DNAH3: variants seen among roughly 807,000 people sequenced by gnomAD.
DNAH3 encodes the protein dynein axonemal heavy chain 3, also known as axonemal beta dynein heavy chain 3.
A neutral mutation model predicts 432.5 loss-of-function variants in DNAH3; 332 were observed. The observed-to-expected ratio is 0.77, with a 90% CI of 0.70 to 0.84. The LOEUF (loss-of-function observed/expected upper bound fraction) is 0.84. DNAH3 is among the 40% of genes least tolerant of loss of function. The probability of loss-of-function intolerance (pLI) is 0.00; values close to 1 mark genes in which losing one functional copy is unlikely to be tolerated. For missense variants in DNAH3, 4,861 were observed against 5,114.0 expected (o/e 0.95, Z 1.51); for synonymous variants, 1,956 against 1,900.2 (o/e 1.03, Z -0.76).
intron 41 of DNAH3, among the ~76,000 whole-genome samples, chr16:21,005,249 TCTTC>T (rs1241827848): frequency 6.9e-6 from 1 of 145,078 alleles, no homozygotes; most frequent in Non-Finnish European, 1.5e-5. Flanking sequence ...CTCCCTCCCT[TCTTC>T]CTTCCTTCCC....
At chr16:20,987,645 G>T in intron 46 of DNAH3, 48 bp downstream of exon 46, 4 of 1,603,598 alleles carry the variant, frequency 2.5e-6, no homozygotes, top group Non-Finnish European at 3.4e-6. Flanking sequence ...GTTCTATGTA[G>T]CCAAGGATAT....
At chr16:21,144,997 A>T (rs1472074652) in intron 3 of DNAH3, among the ~76,000 whole-genome samples, 184 bp downstream of exon 4, 1 of 152,166 alleles carries the variant, frequency 6.6e-6, no homozygotes, top group African/African-American at 2.4e-5. Flanking sequence ...CTGTAGTCCC[A>T]GCTACTCAGG....
chr16:20,961,757 G>GTTTT (rs753578799), intron 53 of DNAH3, among the ~76,000 whole-genome samples: 1 of 123,380 alleles, frequency 8.1e-6, no homozygotes, highest in Non-Finnish European at 1.7e-5. Flanking sequence ...TAAATTTCTG[G>GTTTT]TTTTTTTTTT....
At chr16:20,947,538 G>A (rs957850078) in intron 57 of DNAH3, among the ~76,000 whole-genome samples, 3 of 152,038 alleles carry the variant, frequency 2.0e-5, no homozygotes, top group African/African-American at 7.3e-5. Flanking sequence ...TGGGGACTGA[G>A]CCCTCAACCC....
At chr16:20,968,722 G>A (rs962736853) in intron 52 of DNAH3, among the ~76,000 whole-genome samples, 9 of 150,168 alleles carry the variant, frequency 6.0e-5, no homozygotes, top group African/African-American at 2.2e-4. Context: ...GCCTCTCTTT[G>A]CCCTTGTCTC....
At chr16:20,969,482 T>G (rs1487501600) in intron 52 of DNAH3, among the ~76,000 whole-genome samples, 1 of 152,230 alleles carries the variant, frequency 6.6e-6, no homozygotes, top group African/African-American at 2.4e-5. Flanking sequence ...ACTCTGTGTT[T>G]GTTCCACACC....
chr16:21,156,452 G>A (rs924226593), intron 1 of DNAH3, among the ~76,000 whole-genome samples: 6 of 152,018 alleles, frequency 3.9e-5, no homozygotes, highest in Non-Finnish European at 5.9e-5. Context: ...GGCTGGTCTC[G>A]AACTCCTAGA....
chr16:20,960,048 G>A (rs529473375), intron 53 of DNAH3, among the ~76,000 whole-genome samples: 127 of 152,092 alleles, frequency 8.4e-4, no homozygotes, highest in African/African-American at 2.9e-3. Context: ...TAGCCAATGT[G>A]ATTAGATTTG....
chr16:21,098,464 G>GA (rs1294941150), intron 17 of DNAH3, 152 bp downstream of exon 17: 3 of 486,284 alleles, frequency 6.2e-6, no homozygotes, highest in Non-Finnish European at 6.5e-6. Context: ...AAAAAGAAAA[G>GA]AAAAAAGAAA....
At chr16:21,038,001 A>T (rs1039620829) in intron 33 of DNAH3, 21 bp from the exon 34 acceptor site, 2 of 1,608,196 alleles carry the variant, frequency 1.2e-6, no homozygotes, top group African/African-American at 2.7e-5. Flanking sequence ...AAAGACATGT[A>T]TGCGGACACC....
chr16:20,955,714 G>T (rs1009658176), intron 54 of DNAH3, among the ~76,000 whole-genome samples: 4 of 152,086 alleles, frequency 2.6e-5, no homozygotes, highest in African/African-American at 9.7e-5. Flanking sequence ...GCTGATGCCT[G>T]TCATATAAGA....
intron 56 of DNAH3, among the ~76,000 whole-genome samples, chr16:20,951,898 C>A (rs1013795774): frequency 2.0e-5 from 3 of 152,054 alleles, no homozygotes; most frequent in Non-Finnish European, 4.4e-5. Flanking sequence ...CACTGGCCAC[C>A]ATGCCCGGCT....
intron 37 of DNAH3, among the ~76,000 whole-genome samples, chr16:21,029,054 C>G (rs532171580): frequency 6.6e-6 from 1 of 152,330 alleles, no homozygotes; most frequent in African/African-American, 2.4e-5. Flanking sequence ...ACACCTGTGA[C>G]TGTAGTTTCA....
At chr16:20,939,977 G>C (rs919374742) in intron 59 of DNAH3, among the ~76,000 whole-genome samples, 1 of 152,222 alleles carries the variant, frequency 6.6e-6, no homozygotes, top group Non-Finnish European at 1.5e-5. Context: ...GTAGTAACTG[G>C]AGAAGAGGAC....
At chr16:21,047,189 A>G (rs1424796993) in intron 31 of DNAH3, among the ~76,000 whole-genome samples, 3 of 146,470 alleles carry the variant, frequency 2.0e-5, no homozygotes, top group Admixed American at 6.9e-5. Context: ...TCTTTGTGGC[A>G]TTCTCTGTAT....
intron 49 of DNAH3, 131 bp from the exon 50 acceptor site, chr16:20,979,677 C>G: frequency 1.3e-6 from 1 of 782,008 alleles, no homozygotes; most frequent in Non-Finnish European, 2.1e-6. Flanking sequence ...TCCAAACTCT[C>G]TGAGGACATG....
chr16:21,028,651 C>T (rs1359965457), intron 37 of DNAH3, among the ~76,000 whole-genome samples: 4 of 127,268 alleles, frequency 3.1e-5, no homozygotes, highest in South Asian at 2.9e-4. Flanking sequence ...GAGACTTTGT[C>T]TCAAAAAAAA....
At chr16:20,958,223 C>T (rs893538063) in intron 54 of DNAH3, among the ~76,000 whole-genome samples, 49 of 151,870 alleles carry the variant, frequency 3.2e-4, no homozygotes, top group African/African-American at 1.1e-3. Flanking sequence ...CAAATGTGCG[C>T]CACCATGCCC....
chr16:20,948,698 T>G, intron 56 of DNAH3, 61 bp from the exon 57 acceptor site: 1 of 1,580,168 alleles, frequency 6.3e-7, no homozygotes, highest in Non-Finnish European at 8.7e-7. Flanking sequence ...AGCTTGGTGG[T>G]TGATGTAAAA....
Sources: gnomAD v4.1 joint callset for allele counts (sites outside exome capture counted in the v4.1 genomes callset) on GRCh38, gnomAD v4.1.1 for gene constraint, MANE v1.5 for transcripts, NCBI Gene and HGNC (gene_info 2026-07-23, HGNC 2026-07-21) for gene names.